Variants in CLMP observed in about 807,000 individuals in gnomAD.
CLMP encodes CXADR-like membrane protein.
In CLMP, 27 loss-of-function variants were observed where a neutral mutation model predicts 45.2. The ratio of observed to expected loss-of-function variants is 0.60; its 90% CI spans 0.44 to 0.82. The LOEUF is 0.82. Ranked by LOEUF, CLMP falls within the 40% of genes least tolerant of loss-of-function variation. The pLI is 0.00. For synonymous variants in CLMP, 167 were observed against 171.4 expected (o/e 0.97, Z 0.20); for missense variants, 403 against 448.4 (o/e 0.90, Z 0.91).
intron 1 of CLMP, chr11:123,136,235 G>A: frequency 1.5e-6 from 1 of 650,604 alleles, no homozygotes; most frequent in East Asian, 3.6e-5. Context: ...AATCTGGGTA[G>A]CTACTGCGTA....
chr11:123,082,357 G>A (rs1356951078), intron 5 of CLMP, among the ~76,000 whole-genome samples: 1 of 152,182 alleles, frequency 6.6e-6, no homozygotes, highest in Non-Finnish European at 1.5e-5. Flanking sequence ...TGTCCAGGCT[G>A]GAGTGCAATG....
At chr11:123,119,040 TCTCTCC>T (rs1860770638) in intron 1 of CLMP, among the ~76,000 whole-genome samples, 5 of 46,990 alleles carry the variant, frequency 1.1e-4, no homozygotes, top group Non-Finnish European at 1.2e-4. Flanking sequence ...TCTCTCTCTC[TCTCTCC>T]CTCTCCCTCT....
At position 123,117,413 on chromosome 11, in the gene CLMP, T is replaced by A. The variant is rs181042285; in HGVS notation, c.29-19461A>T. Among the ~76,000 whole-genome samples, 656 of 151,914 alleles carry A rather than the reference T, an allele frequency of 4.3e-3. 1 individual carries two copies. The highest frequency in any genetic ancestry group is 7.4e-3 in the Non-Finnish European group (506 of 67,946). On this transcript the variant is annotated intron_variant, in intron 1 of 6. Transcript: ENST00000448775. ...GAGACCTTTTATCTTTTTTAAAAAA[T>A]TTTTTATTTTTTATTTTTTATTATT...
intron 1 of CLMP, among the ~76,000 whole-genome samples, chr11:123,193,370 T>C (rs1861934008): frequency 6.6e-6 from 1 of 152,230 alleles, no homozygotes; most frequent in African/African-American, 2.4e-5. Flanking sequence ...CAAGGACTAT[T>C]AGCTGTTTTT....
intron 1 of CLMP, among the ~76,000 whole-genome samples, chr11:123,124,037 G>T (rs75488904): frequency 6.6e-6 from 1 of 152,062 alleles, no homozygotes; most frequent in Non-Finnish European, 1.5e-5. Flanking sequence ...AGGAGAGAGC[G>T]ATTCATTTGA....
intron 1 of CLMP, among the ~76,000 whole-genome samples, chr11:123,129,895 C>T (rs1337429747): frequency 2.0e-5 from 3 of 147,222 alleles, no homozygotes; most frequent in Non-Finnish European, 4.5e-5. Context: ...TCCACCTACT[C>T]CTTCCTTTTT....
intron 1 of CLMP, among the ~76,000 whole-genome samples, chr11:123,189,605 C>T (rs1861879372): frequency 6.6e-6 from 1 of 152,164 alleles, no homozygotes; most frequent in African/African-American, 2.4e-5. Flanking sequence ...GTAATATATA[C>T]ATCTCATATT....
intron 1 of CLMP, 158 bp from the exon 2 acceptor site, chr11:123,098,110 A>G: frequency 1.1e-5 from 5 of 469,158 alleles, no homozygotes; most frequent in African/African-American, 2.0e-5. Flanking sequence ...TCCTGGTCTC[A>G]CACTGGCTCC....
At chr11:123,141,331 C>G (rs1262734886) in intron 1 of CLMP, among the ~76,000 whole-genome samples, 3 of 151,870 alleles carry the variant, frequency 2.0e-5, no homozygotes, top group South Asian at 2.1e-4. Flanking sequence ...ACTACAGGCA[C>G]CCGCCACCAC....
intron 5 of CLMP, among the ~76,000 whole-genome samples, chr11:123,079,779 T>G (rs1327021597): frequency 6.6e-6 from 1 of 152,144 alleles, no homozygotes; most frequent in African/African-American, 2.4e-5. Flanking sequence ...TTATCTAAAC[T>G]TGGAAATAGA....
rs1399800878 is a variant in CLMP at position 123,071,270 on chromosome 11, A to T, written c.*2204T>A. 6.6e-6 allele frequency: 1 copy of T among 152,172 alleles called. No homozygotes were observed. Among genetic ancestry groups the T allele is most frequent in the East Asian group, 1.9e-4 (1 of 5,198 alleles). 9.4% of individuals were successfully genotyped at this position (152,172 alleles called of 1,614,324 possible). ...GTCAACATGGCGAAACCCCATCTCTACTAAAAATACAAAAATTAGCTGTAC... is the reference window on the plus strand; with the variant it reads ...GTCAACATGGCGAAACCCCATCTCTTCTAAAAATACAAAAATTAGCTGTAC... On this transcript the variant is annotated 3_prime_UTR_variant, in exon 7 of 7. Coordinates refer to ENST00000448775, the MANE Select transcript of CLMP (RefSeq NM_024769.5).
chr11:123,100,586 C>T (rs1429407307), intron 1 of CLMP, among the ~76,000 whole-genome samples: 2 of 135,154 alleles, frequency 1.5e-5, no homozygotes, highest in African/African-American at 2.9e-5. Context: ...CCCCAGGCGG[C>T]GCCTCCCTTT....
intron 1 of CLMP, among the ~76,000 whole-genome samples, chr11:123,181,695 C>A (rs553434568): frequency 9.0e-4 from 137 of 152,316 alleles, no homozygotes; most frequent in African/African-American, 3.2e-3. Context: ...AAGATCCACC[C>A]CCAGCTAGCC....
chr11:123,190,640 T>C (rs878296), intron 1 of CLMP, among the ~76,000 whole-genome samples: 70,923 of 152,116 alleles, frequency 0.47, 18,946 homozygotes, highest in South Asian at 0.63. Context: ...TTCTCCTGAA[T>C]ACACCAGACA....
intron 1 of CLMP, among the ~76,000 whole-genome samples, chr11:123,129,677 ATAT>A (rs1291119069): frequency 9.9e-5 from 14 of 140,744 alleles, no homozygotes; most frequent in Non-Finnish European, 2.0e-4. Context: ...ATATATATAA[ATAT>A]TATATTTATA....
rs563207640 is a variant in CLMP, at chr11:123,073,147, A to G, written c.*327T>C. 4.5e-4 allele frequency: 94 copies of G among 210,136 alleles called. No homozygotes were observed. Among genetic ancestry groups the G allele is most frequent in the African/African-American group, 2.0e-3 (89 of 43,816 alleles). The allele number at this position is 210,136 out of a possible 1,614,324, so 13.0% of individuals were successfully genotyped here. A position where few individuals can be genotyped will look rare whatever the true frequency, so the allele number is the denominator to read the frequency against. Reference sequence around the variant, plus strand: ...AAAGCACTGATACAAAATATCCCACATTAAAAGTTTTAGGTATATTCACCT... The same window carrying G: ...AAAGCACTGATACAAAATATCCCACGTTAAAAGTTTTAGGTATATTCACCT... On this transcript the variant is annotated 3_prime_UTR_variant, in exon 7 of 7. Transcript: ENST00000448775.
At chr11:123,073,980 C>G (rs1001703739) in intron 6 of CLMP, among the ~76,000 whole-genome samples, 2 of 152,126 alleles carry the variant, frequency 1.3e-5, no homozygotes, top group Non-Finnish European at 2.9e-5. Context: ...CAGGTCAACT[C>G]TATTATACTG....
intron 1 of CLMP, among the ~76,000 whole-genome samples, chr11:123,134,035 G>A (rs575395246): frequency 1.9e-4 from 29 of 152,148 alleles, no homozygotes; most frequent in African/African-American, 5.8e-4. Flanking sequence ...CAAGGTGGGC[G>A]GATCACTTGA....
chr11:123,130,989 T>C (rs12287160), intron 1 of CLMP, among the ~76,000 whole-genome samples: 1 of 151,646 alleles, frequency 6.6e-6, no homozygotes, highest in South Asian at 2.1e-4. Context: ...ATTACAGGTG[T>C]GCACCACCAT....
Sources: gnomAD v4.1 joint callset for allele counts (sites outside exome capture counted in the v4.1 genomes callset) on GRCh38, gnomAD v4.1.1 for gene constraint, MANE v1.5 for transcripts, NCBI Gene and HGNC (gene_info 2026-07-23, HGNC 2026-07-21) for gene names.